Variants in CLSTN2 observed in about 807,000 individuals in gnomAD.
CLSTN2 encodes the protein calsyntenin 2.
CLSTN2 carries 48 observed loss-of-function variants against 101.2 expected under a neutral mutation model. The ratio of observed to expected loss-of-function variants is 0.47; its 90% CI spans 0.38 to 0.60. CLSTN2 has a LOEUF of 0.60. Ranked by LOEUF, CLSTN2 falls within the 20% of genes least tolerant of loss-of-function variation. CLSTN2 has a pLI of 0.00. For synonymous variants in CLSTN2, 481 were observed against 463.6 expected (o/e 1.04, Z -0.48); for missense variants, 1,160 against 1,238.2 (o/e 0.94, Z 0.95).
chr3:140,095,528 T>A (rs1216511413), intron 1 of CLSTN2, among the ~76,000 whole-genome samples: 1 of 152,228 alleles, frequency 6.6e-6, no homozygotes, highest in Non-Finnish European at 1.5e-5. Flanking sequence ...CAGTTGGCTA[T>A]CTACAATTAC....
At chr3:140,244,999 G>A (rs1316949853) in intron 2 of CLSTN2, among the ~76,000 whole-genome samples, 3 of 152,208 alleles carry the variant, frequency 2.0e-5, no homozygotes, top group Non-Finnish European at 4.4e-5. Flanking sequence ...AAGTGGAGGT[G>A]TGCACAGTAC....
intron 2 of CLSTN2, among the ~76,000 whole-genome samples, chr3:140,275,509 C>G (rs2086785955): frequency 6.6e-6 from 1 of 152,094 alleles, no homozygotes; most frequent in Admixed American, 6.5e-5. Context: ...TGGCTTCAAG[C>G]AATCCTCCCA....
At chr3:140,352,402 T>C (rs976564338) in intron 2 of CLSTN2, among the ~76,000 whole-genome samples, 5 of 152,186 alleles carry the variant, frequency 3.3e-5, no homozygotes, top group African/African-American at 1.2e-4. Flanking sequence ...CAACTCAATC[T>C]TTCCCTCCAA....
chr3:140,450,308 A>T (rs1407644183), intron 6 of CLSTN2, among the ~76,000 whole-genome samples: 1 of 152,160 alleles, frequency 6.6e-6, no homozygotes, highest in East Asian at 1.9e-4. Context: ...CACTAAGGCT[A>T]TCCATCCAGG....
In CLSTN2 at chr3:139,998,336, C is replaced by CTTTTTTTTTTTTTTTTTTTTTTTTTTTTT. The variant is rs60541490; in HGVS notation, c.109+62873_109+62874insTTTTTTTTTTTTTTTTTTTTTTTTTTTTT. On this transcript the variant is annotated intron_variant, in intron 1 of 16. Coordinates refer to ENST00000458420, the MANE Select transcript of CLSTN2 (RefSeq NM_022131.3). ...ATGGGATAATAGTTCCCCCACATGC[C>CTTTTTTTTTTTTTTTTTTTTTTTTTTTTT]TTTTTTTTTTTTTTTTTTTTGTGAC... Among the ~76,000 whole-genome samples the CTTTTTTTTTTTTTTTTTTTTTTTTTTTTT allele has an allele frequency of 3.4e-4, 23 of 66,810 alleles. 1 individual carries two copies. The highest frequency in any genetic ancestry group is 7.3e-4 in the South Asian group (1 of 1,364). 43.8% of individuals were successfully genotyped at this position (66,810 alleles called of 152,430 possible).
At chr3:140,113,493 C>T (rs1409188734) in intron 1 of CLSTN2, among the ~76,000 whole-genome samples, 1 of 152,224 alleles carries the variant, frequency 6.6e-6, no homozygotes, top group Admixed American at 6.5e-5. Context: ...GTGCCCTTCC[C>T]AATCTCCTGT....
chr3:140,444,997 T>G (rs1933041641), intron 5 of CLSTN2, among the ~76,000 whole-genome samples: 1 of 152,218 alleles, frequency 6.6e-6, no homozygotes, highest in Non-Finnish European at 1.5e-5. Flanking sequence ...TGTGAGCGTC[T>G]CACTCTCTCA....
chr3:140,343,900 C>T (rs2087516448), intron 2 of CLSTN2, among the ~76,000 whole-genome samples: 1 of 152,172 alleles, frequency 6.6e-6, no homozygotes, highest in Non-Finnish European at 1.5e-5. Flanking sequence ...GGTAATTCAA[C>T]CGTCTTTACC....
chr3:139,959,365 C>T (rs1560054358), intron 1 of CLSTN2, among the ~76,000 whole-genome samples: 2 of 152,186 alleles, frequency 1.3e-5, no homozygotes, highest in Admixed American at 6.5e-5. Flanking sequence ...CTTTGAGGTA[C>T]ATAGTGTCGT....
chr3:140,468,406 A>G (rs1473449914), intron 8 of CLSTN2, among the ~76,000 whole-genome samples: 7 of 152,242 alleles, frequency 4.6e-5, no homozygotes, highest in African/African-American at 1.4e-4. Context: ...GAAATTAAAA[A>G]TAGGTGAGGA....
chr3:140,544,299 C>T (rs1399771961), intron 9 of CLSTN2, among the ~76,000 whole-genome samples: 1 of 152,154 alleles, frequency 6.6e-6, no homozygotes, highest in African/African-American at 2.4e-5. Context: ...GTGATACCTG[C>T]CATCCAGGAG....
At chr3:140,000,898 T>A (rs930409511) in intron 1 of CLSTN2, among the ~76,000 whole-genome samples, 1 of 152,214 alleles carries the variant, frequency 6.6e-6, no homozygotes, top group Non-Finnish European at 1.5e-5. Context: ...AGTCCAGTAT[T>A]AGGGGCCTTT....
chr3:140,463,935 A>G (rs1664694463), intron 7 of CLSTN2, among the ~76,000 whole-genome samples: 1 of 152,202 alleles, frequency 6.6e-6, no homozygotes, highest in South Asian at 2.1e-4. Context: ...TCAACTGGAA[A>G]GAGCATCTTT....
At chr3:140,196,669 C>G (rs1347128463) in intron 2 of CLSTN2, among the ~76,000 whole-genome samples, 5 of 152,130 alleles carry the variant, frequency 3.3e-5, no homozygotes, top group Admixed American at 6.5e-5. Context: ...GGGGTAGAAA[C>G]AGAAAGAGGC....
chr3:140,115,222 C>T (rs1275595856), intron 1 of CLSTN2, among the ~76,000 whole-genome samples: 1 of 152,202 alleles, frequency 6.6e-6, no homozygotes, highest in African/African-American at 2.4e-5. Context: ...AGCCCCTAAG[C>T]CTATCTATTC....
intron 2 of CLSTN2, among the ~76,000 whole-genome samples, chr3:140,378,654 G>C (rs539650797): frequency 2.2e-4 from 34 of 152,324 alleles, no homozygotes; most frequent in South Asian, 6.2e-4. Context: ...GGGAGGTTGT[G>C]AGTCCAATTG....
chr3:140,367,095 A>G (rs1482384063), intron 2 of CLSTN2, among the ~76,000 whole-genome samples: 1 of 152,230 alleles, frequency 6.6e-6, no homozygotes, highest in Non-Finnish European at 1.5e-5. Flanking sequence ...ATCCACAGGT[A>G]CACTGAAGGG....
At chr3:140,274,135 G>A (rs1469729660) in intron 2 of CLSTN2, among the ~76,000 whole-genome samples, 2 of 152,194 alleles carry the variant, frequency 1.3e-5, no homozygotes, top group Non-Finnish European at 2.9e-5. Context: ...TTACCACACA[G>A]GGCTTGGTGC....
At chr3:139,996,907 C>A (rs776285754) in intron 1 of CLSTN2, among the ~76,000 whole-genome samples, 1 of 151,662 alleles carries the variant, frequency 6.6e-6, no homozygotes, top group Admixed American at 6.6e-5. Flanking sequence ...ATTAGCCGGG[C>A]GTGGTGGCGG....
Sources: gnomAD v4.1 joint callset for allele counts (sites outside exome capture counted in the v4.1 genomes callset) on GRCh38, gnomAD v4.1.1 for gene constraint, MANE v1.5 for transcripts, NCBI Gene and HGNC (gene_info 2026-07-23, HGNC 2026-07-21) for gene names.